PHACTR1: variants seen among roughly 807,000 people sequenced by gnomAD.
PHACTR1 encodes the protein RPEL repeat containing 1.
PHACTR1 carries 16 observed loss-of-function variants against 69.2 expected under a neutral mutation model. The ratio of observed to expected loss-of-function variants is 0.23; its 90% CI spans 0.16 to 0.35. PHACTR1 has a LOEUF of 0.35. PHACTR1 is among the 10% of genes least tolerant of loss of function. PHACTR1 has a pLI of 1.00. For synonymous variants in PHACTR1, 312 were observed against 284.5 expected, an observed-to-expected ratio of 1.10 and a Z score of -0.97; for missense variants, 510 against 734.7, an observed-to-expected ratio of 0.69 and a Z score of 3.54.
intron 4 of PHACTR1, among the ~76,000 whole-genome samples, chr6:12,876,736 GGATA>G (rs1782559127): frequency 6.6e-6 from 1 of 152,150 alleles, no homozygotes; most frequent in South Asian, 2.1e-4. Context: ...AGAACCAGTA[GGATA>G]GATATAGATA....
intron 10 of PHACTR1, among the ~76,000 whole-genome samples, chr6:13,249,751 A>G (rs1464325032): frequency 6.9e-6 from 1 of 145,608 alleles, no homozygotes; most frequent in Non-Finnish European, 1.5e-5. Context: ...GTGAGCCAAG[A>G]TTGCACCACT....
intron 4 of PHACTR1, among the ~76,000 whole-genome samples, chr6:12,990,157 T>A (rs554698513): frequency 2.4e-4 from 37 of 152,230 alleles, no homozygotes; most frequent in Non-Finnish European, 4.6e-4. Flanking sequence ...ATGAGATGCC[T>A]GGATGGCAAA....
intron 4 of PHACTR1, among the ~76,000 whole-genome samples, chr6:12,770,308 G>A (rs1299390344): frequency 6.6e-6 from 1 of 152,212 alleles, no homozygotes; most frequent in African/African-American, 2.4e-5. Flanking sequence ...AGGTAAGCAT[G>A]CCCCTCGTTT....
intron 4 of PHACTR1, among the ~76,000 whole-genome samples, chr6:12,875,785 G>A (rs1378740364): frequency 6.6e-6 from 1 of 152,134 alleles, no homozygotes; most frequent in Non-Finnish European, 1.5e-5. Flanking sequence ...TATTTTTCGA[G>A]CTTTTCTGAG....
At chr6:13,201,599 C>G (rs150856651) in intron 7 of PHACTR1, among the ~76,000 whole-genome samples, 4 of 152,008 alleles carry the variant, frequency 2.6e-5, no homozygotes, top group African/African-American at 9.7e-5. Context: ...ATTATCCACA[C>G]GATAAGAGGA....
In PHACTR1 at chr6:13,237,757, A is replaced by G. The variant is rs527805124; in HGVS notation, c.1391+7564A>G. Among the ~76,000 whole-genome samples, 353 of 152,336 alleles carry G rather than the reference A, an allele frequency of 2.3e-3. 1 individual carries two copies. The highest frequency in any genetic ancestry group is 8.0e-3 in the African/African-American group (331 of 41,582). On this transcript the variant is annotated intron_variant, in intron 10 of 14. Transcript: ENST00000332995. ...ATCATGAAGTGTACTCACACAAACC[A>G]AGATGGTAGAGTCTACTACACACTA...
intron 7 of PHACTR1, among the ~76,000 whole-genome samples, chr6:13,198,110 G>A (rs1764686766): frequency 6.6e-6 from 1 of 152,206 alleles, no homozygotes; most frequent in South Asian, 2.1e-4. Flanking sequence ...ATGATGAAAA[G>A]ATAAACAAAC....
intron 4 of PHACTR1, among the ~76,000 whole-genome samples, chr6:12,760,612 C>T (rs998311997): frequency 6.6e-6 from 1 of 151,968 alleles, no homozygotes; most frequent in Admixed American, 6.6e-5. Flanking sequence ...TTTGGGAGGC[C>T]GTACATGTTG....
chr6:13,287,385 C>A lies in PHACTR1; in HGVS notation c.*307C>A. 2.4e-6 allele frequency: 1 copy of A among 415,734 alleles called. No homozygotes were observed. Among genetic ancestry groups the A allele is most frequent in the Admixed American group, 4.3e-5 (1 of 23,526 alleles). 25.8% of individuals were successfully genotyped at this position (415,734 alleles called of 1,614,324 possible). ...TGGCAGGTGGAACGGTCCTTGTCCT[C>A]TCCAGCCAGGCCCAGCAGGCACTAC... On this transcript the variant is annotated 3_prime_UTR_variant, in exon 15 of 15. Coordinates refer to ENST00000332995, the MANE Select transcript of PHACTR1 (RefSeq NM_030948.6).
intron 4 of PHACTR1, among the ~76,000 whole-genome samples, chr6:12,993,769 T>A (rs980961374): frequency 8.5e-5 from 13 of 152,200 alleles, no homozygotes; most frequent in African/African-American, 2.7e-4. Flanking sequence ...ACCCAGAGGA[T>A]TTGGGAATCC....
rs191499380 is a variant in PHACTR1 at position 13,026,506 on chromosome 6, A to G, written c.251-26859A>G. Among the ~76,000 whole-genome samples, 230 of 152,276 alleles carry G rather than the reference A, an allele frequency of 1.5e-3. 1 individual carries two copies. Among genetic ancestry groups the G allele is most frequent in the African/African-American group, 4.6e-3 (193 of 41,542 alleles). Reference sequence around the variant, plus strand: ...AGGTATCTGGAGACTTTTCACAAACAAAAAACACAGGGAGTCTTGTGCTTT... The same window carrying G: ...AGGTATCTGGAGACTTTTCACAAACGAAAAACACAGGGAGTCTTGTGCTTT... On this transcript the variant is annotated intron_variant, in intron 4 of 14. Coordinates refer to ENST00000332995, the MANE Select transcript of PHACTR1 (RefSeq NM_030948.6).
chr6:13,162,005 G>C (rs1313239665), intron 6 of PHACTR1, among the ~76,000 whole-genome samples: 1 of 152,104 alleles, frequency 6.6e-6, no homozygotes, highest in Non-Finnish European at 1.5e-5. Context: ...TTTTTTGATG[G>C]ATTAAGCTCT....
chr6:13,097,812 C>T (rs1312560339), intron 5 of PHACTR1, among the ~76,000 whole-genome samples: 1 of 152,166 alleles, frequency 6.6e-6, no homozygotes, highest in African/African-American at 2.4e-5. Flanking sequence ...CAATTTCCTA[C>T]TCCCATCCCC....
rs144787760 is a variant in PHACTR1 at position 13,105,796 on chromosome 6, T to C, written c.415+52267T>C. Among the ~76,000 whole-genome samples the C allele has an allele frequency of 1.9e-3, 282 of 152,304 alleles. 4 individuals carry two copies. The highest frequency in any genetic ancestry group is 6.6e-3 in the African/African-American group (273 of 41,548). On this transcript the variant is annotated intron_variant, in intron 5 of 14. Coordinates refer to ENST00000332995, the MANE Select transcript of PHACTR1 (RefSeq NM_030948.6). ...GTAGAGAGTTTATTTGGGCCAAGCT[T>C]GAGGACTGCAACAAGGAGCATAGAT...
chr6:12,994,718 T>C (rs971061515), intron 4 of PHACTR1, among the ~76,000 whole-genome samples: 1 of 152,050 alleles, frequency 6.6e-6, no homozygotes, highest in Non-Finnish European at 1.5e-5. Flanking sequence ...AATTAATGAA[T>C]TAAGAGAGTA....
chr6:12,815,203 A>G (rs908213210), intron 4 of PHACTR1, among the ~76,000 whole-genome samples: 1 of 152,204 alleles, frequency 6.6e-6, no homozygotes, highest in African/African-American at 2.4e-5. Flanking sequence ...TTTTCACATT[A>G]AAACATCTCA....
chr6:13,251,073 C>T (rs891282585), intron 10 of PHACTR1, among the ~76,000 whole-genome samples: 11 of 152,196 alleles, frequency 7.2e-5, no homozygotes, highest in African/African-American at 2.7e-4. Flanking sequence ...TGTGCATCGT[C>T]CACATGCCTC....
intron 4 of PHACTR1, among the ~76,000 whole-genome samples, chr6:12,808,618 A>T (rs1018194690): frequency 1.3e-5 from 2 of 152,224 alleles, no homozygotes; most frequent in Non-Finnish European, 2.9e-5. Context: ...ATGAAGATTT[A>T]AAAAATCAGG....
intron 5 of PHACTR1, among the ~76,000 whole-genome samples, chr6:13,145,174 G>A (rs1415603498): frequency 6.6e-6 from 1 of 152,184 alleles, no homozygotes; most frequent in Non-Finnish European, 1.5e-5. Flanking sequence ...AGAATCAACA[G>A]AAAATCTGCA....
Sources: allele counts gnomAD v4.1 joint callset (sites outside exome capture counted in the v4.1 genomes callset), GRCh38; gene constraint gnomAD v4.1.1; transcripts MANE v1.5; gene names NCBI Gene and HGNC (gene_info 2026-07-23, HGNC 2026-07-21).